Variants in ZNF768 observed in about 807,000 individuals in gnomAD.
ZNF768 encodes zinc finger protein 768.
A neutral mutation model predicts 39.7 loss-of-function variants in ZNF768; 12 were observed. The ratio of observed to expected loss-of-function variants is 0.30; its 90% CI spans 0.19 to 0.49. ZNF768 has a LOEUF of 0.49. ZNF768 is among the 20% of genes least tolerant of loss of function. The pLI, the probability that ZNF768 is intolerant of heterozygous loss-of-function variation, is 0.99. For synonymous variants in ZNF768, 360 were observed against 288.4 expected (o/e 1.25, Z -2.52); for missense variants, 613 against 723.2 (o/e 0.85, Z 1.75).
upstream of ZNF768, chr16:30,531,054 T>G (rs372557500): frequency 6.6e-6 from 1 of 152,266 alleles, no homozygotes; most frequent in East Asian, 1.9e-4. Flanking sequence ...TGGCACATAC[T>G]TAAAGACAGC....
In ZNF768 at chr16:30,525,623, C is replaced by T. The variant is rs2051315216; in HGVS notation, c.517G>A (p.Gly173Ser). Residue 173 changes from glycine (G) to serine (S), a missense_variant, in exon 2 of 2, where the codon GGT becomes AGT. Gly to Ser is a moderately conservative substitution (Grantham distance 56). Coordinates refer to ENST00000380412, the MANE Select transcript of ZNF768 (RefSeq NM_024671.4). Reference sequence around the variant, plus strand: ...TCGGGGTTCAGAAGCATCTCCGCACCTTCCTGGAATTTGGAACTTTGAGCT... The same window carrying T: ...TCGGGGTTCAGAAGCATCTCCGCACTTTCCTGGAATTTGGAACTTTGAGCT... The part of the protein sequence containing the change: ...FEAQSSKFQE[G>S]AEMLLNPEEK... 1 of 1,614,136 alleles carries T rather than the reference C, an allele frequency of 6.2e-7. No homozygotes were observed. The highest frequency in any genetic ancestry group is 1.7e-5 in the Admixed American group (1 of 60,012).
Position 30,525,077 on chromosome 16 carries a change from C to T in ZNF768, c.1063G>A (p.Gly355Ser). ...YKCPHCGKAF[G>S]DSSYLLRHQR... ...TGTCGCAGGAGGTAGGAGCTGTCGCCGAAGGCCTTGCCACAATGTGGGCAC... is the reference window on the plus strand; with the variant it reads ...TGTCGCAGGAGGTAGGAGCTGTCGCTGAAGGCCTTGCCACAATGTGGGCAC... Residue 355 changes from glycine (G) to serine (S), a missense_variant, in exon 2 of 2, where the codon GGC (glycine) becomes AGC (serine). By Grantham distance (56) the Gly-to-Ser change is moderately conservative (BLOSUM62 0). Around this residue, in one of 4 missense-constraint regions of ZNF768, gnomAD observed 204 missense variants for 281.7 expected, o/e 0.72. Coordinates refer to ENST00000380412, the MANE Select transcript of ZNF768 (RefSeq NM_024671.4). The T allele has an allele frequency of 2.5e-6, 4 of 1,613,532 alleles. No homozygotes were observed. Among genetic ancestry groups the T allele is most frequent in the African/African-American group, 1.3e-5 (1 of 74,846 alleles).
In ZNF768 at chr16:30,524,708, A is replaced by C. The variant is rs749822007; in HGVS notation, c.1432T>G (p.Ser478Ala). ...RSSTLIQHQR[S>A]HTGERPYRCA... is the part of the protein sequence containing the mutation. ...CTGTAGGGCCGCTCGCCCGTGTGGG[A>C]GCGCTGGTGCTGGATGAGAGTGGAG... Residue 478 changes from serine (S) to alanine (A), a missense_variant, in exon 2 of 2, where the codon TCC (serine) becomes GCC (alanine). Coordinates refer to ENST00000380412, the MANE Select transcript of ZNF768 (RefSeq NM_024671.4). 2 of 1,593,068 alleles carry C rather than the reference A, an allele frequency of 1.3e-6. No individual in the cohort carries two copies. The highest frequency in any genetic ancestry group is 1.8e-5 in the Admixed American group (1 of 56,762).
chr16:30,524,300 T>C lies in ZNF768; in HGVS notation c.*217A>G. The C allele has an allele frequency of 1.7e-6, 1 of 576,666 alleles. No individual in the cohort carries two copies. Among genetic ancestry groups the C allele is most frequent in the African/African-American group, 2.0e-5 (1 of 48,868 alleles). The allele number at this position is 576,666 out of a possible 1,614,324, so 35.7% of individuals were successfully genotyped here. On this transcript the variant is annotated 3_prime_UTR_variant, in exon 2 of 2. Coordinates refer to ENST00000380412, the MANE Select transcript of ZNF768 (RefSeq NM_024671.4). Reference sequence around the variant, plus strand: ...CCAGCCCTCCGCTGACCTCTCTCCATTTCTCCCAGGGCCTCCCGCTGCCGG... The same window carrying C: ...CCAGCCCTCCGCTGACCTCTCTCCACTTCTCCCAGGGCCTCCCGCTGCCGG...
chr16:30,526,909 G>A, upstream of ZNF768: 1 of 985,278 alleles, frequency 1.0e-6, no homozygotes, highest in South Asian at 4.7e-5. Context: ...CATTAACCCT[G>A]GGCTGGAGGG....
rs748699123 is a variant in ZNF768, at chr16:30,525,680, T to G, written c.460A>C (p.Thr154Pro). 1.2e-6 allele frequency: 2 copies of G among 1,614,162 alleles called. No individual in the cohort carries two copies. Among genetic ancestry groups the G allele is most frequent in the East Asian group, 4.5e-5 (2 of 44,888 alleles). Reference sequence around the variant, plus strand: ...TCTGGGCTTTGGGTTTTGAGCTCAGTGTTCTGGGATTCATATCTAGAGCTC... The same window carrying G: ...TCTGGGCTTTGGGTTTTGAGCTCAGGGTTCTGGGATTCATATCTAGAGCTC... ...SESSRYESQN[T>P]ELKTQSPEFE... Residue 154 changes from threonine to proline, a missense_variant, in exon 2 of 2, where the codon ACT (threonine) becomes CCT (proline). By Grantham distance (38) the Thr-to-Pro change is conservative. Transcript: ENST00000380412.
upstream of ZNF768, chr16:30,527,061 G>C (rs1742766410): frequency 3.0e-6 from 3 of 985,298 alleles, no homozygotes; most frequent in South Asian, 1.4e-4. Flanking sequence ...CGGTGCGTGT[G>C]GCCAAGGGCG....
rs750522550 is a variant in ZNF768, at chr16:30,525,881, C to CA, written c.258dup (p.Glu87Ter). 1.3e-6 allele frequency: 2 copies of CA among 1,519,608 alleles called. No individual in the cohort carries two copies. Among genetic ancestry groups the CA allele is most frequent in the African/African-American group, 2.8e-5 (2 of 71,638 alleles). The allele number at this position is 1,519,608 out of a possible 1,614,324, so 94.1% of individuals were successfully genotyped here. A position where few individuals can be genotyped will look rare whatever the true frequency, so the allele number is the denominator to read the frequency against. ...GGCACAAGCCCAGGGCTTCGGGACT[C>CA]AAACCCCGGGCTTTCAGGCTCAAAT... On this transcript the variant is annotated frameshift_variant, in exon 2 of 2. Transcript: ENST00000380412. LOFTEE classifies it high-confidence loss of function.
At position 30,526,087 on chromosome 16, in the gene ZNF768, G is replaced by A. The variant is rs754261827; in HGVS notation, c.89-36C>T. ...AGAGAATCCAGATCGTGTGAGACCT[G>A]GAAGGTCATTTGGTCCATTAGCAAC... On this transcript the variant is annotated intron_variant, in intron 1 of 1. Coordinates refer to ENST00000380412, the MANE Select transcript of ZNF768 (RefSeq NM_024671.4). The A allele has an allele frequency of 3.3e-6, 5 of 1,493,404 alleles. No individual in the cohort carries two copies. In the Admixed American group the frequency reaches 1.0e-4, roughly 30 times the overall value. 92.5% of individuals were successfully genotyped at this position (1,493,404 alleles called of 1,614,324 possible).
chr16:30,524,353 C>T lies in ZNF768; in HGVS notation c.*164G>A. Reference sequence around the variant, plus strand: ...TGGCCTCCCTCCAACCCACTTCCCACAAGTCTCCAGGGCATGTCACTTCCT... The same window carrying T: ...TGGCCTCCCTCCAACCCACTTCCCATAAGTCTCCAGGGCATGTCACTTCCT... On this transcript the variant is annotated 3_prime_UTR_variant, in exon 2 of 2. Transcript: ENST00000380412. 8.2e-7 allele frequency: 1 copy of T among 1,223,132 alleles called. No homozygotes were observed. The highest frequency in any genetic ancestry group is 1.1e-6 in the Non-Finnish European group (1 of 908,786). The allele number at this position is 1,223,132 out of a possible 1,614,324, so 75.8% of individuals were successfully genotyped here. A position where few individuals can be genotyped will look rare whatever the true frequency, so the allele number is the denominator to read the frequency against.
upstream of ZNF768, chr16:30,527,310 C>G: frequency 2.0e-6 from 2 of 985,676 alleles, no homozygotes; most frequent in Non-Finnish European, 2.4e-6. Context: ...CCCAGCTCGG[C>G]TCCCCTGATC....
In ZNF768 at chr16:30,524,246, A is replaced by C; in HGVS notation, c.*271T>G. ...TCCCTGCTCTAGCAGTTGCCAAGCC[A>C]GGCACCCACCAAGGAGCCGCGGCTG... On this transcript the variant is annotated 3_prime_UTR_variant, in exon 2 of 2. Transcript: ENST00000380412. The C allele has an allele frequency of 2.0e-5, 5 of 246,992 alleles. No homozygotes were observed. The highest frequency in any genetic ancestry group is 1.2e-4 in the South Asian group (2 of 17,044). 15.3% of individuals were successfully genotyped at this position (246,992 alleles called of 1,614,324 possible).
upstream of ZNF768, chr16:30,531,463 T>G (rs1391803389): frequency 2.0e-5 from 3 of 152,186 alleles, no homozygotes; most frequent in Non-Finnish European, 2.9e-5. Flanking sequence ...CGAGATCCAA[T>G]ACAGGGTCAC....
Position 30,526,516 on chromosome 16 carries a change from G to A in ZNF768, c.-103C>T, listed in dbSNP as rs1256947217. On this transcript the variant is annotated 5_prime_UTR_variant, in exon 1 of 2. Coordinates refer to ENST00000380412, the MANE Select transcript of ZNF768 (RefSeq NM_024671.4). Reference sequence around the variant, plus strand: ...GGCCCCCGCCTCCCGCCCGCTCAGCGCCGCCCAGGGGACTCGGCGGCCCAG... The same window carrying A: ...GGCCCCCGCCTCCCGCCCGCTCAGCACCGCCCAGGGGACTCGGCGGCCCAG... 1.2e-5 allele frequency: 14 copies of A among 1,175,552 alleles called. No homozygotes were observed. The East Asian group carries it at 3.1e-4, about 26-fold the overall frequency. 72.8% of individuals were successfully genotyped at this position (1,175,552 alleles called of 1,614,324 possible).
At chr16:30,527,250 C>T, upstream of ZNF768, 8 of 985,820 alleles carry the variant, frequency 8.1e-6, no homozygotes, top group Non-Finnish European at 9.6e-6. Flanking sequence ...CCTCCAGGAA[C>T]TCCGCTCCCC....
At chr16:30,527,389 A>T (rs904520593), upstream of ZNF768, 5 of 914,004 alleles carry the variant, frequency 5.5e-6, no homozygotes, top group African/African-American at 9.0e-5. Flanking sequence ...CCCGGCTCCC[A>T]GAGGCACAGC....
Position 30,525,781 on chromosome 16 carries a change from C to T in ZNF768, c.359G>A (p.Arg120Lys). Residue 120 changes from arginine (R) to lysine (K), a missense_variant, in exon 2 of 2, where the codon AGG (arginine) becomes AAG (lysine). Physicochemically the swap from Arg to Lys is conservative, Grantham distance 26 (BLOSUM62 2). This residue lies in a region of ZNF768 where 347 missense variants were observed against 326.1 expected (regional missense o/e 1.06). Coordinates refer to ENST00000380412, the MANE Select transcript of ZNF768 (RefSeq NM_024671.4). ...QSPEFESQSP[R>K]YEPQSPGYEP... ...ATAGCCAGGGCTTTGGGGTTCATAC[C>T]TAGGGCTCTGGGATTCAAACTCAGG... 6.4e-7 allele frequency: 1 copy of T among 1,573,598 alleles called. No homozygotes were observed. The highest frequency in any genetic ancestry group is 8.6e-7 in the Non-Finnish European group (1 of 1,163,828).
At chr16:30,527,899 C>T (rs976682721), upstream of ZNF768, 3 of 152,264 alleles carry the variant, frequency 2.0e-5, no homozygotes, top group Non-Finnish European at 4.4e-5. Context: ...CATCTAACAA[C>T]TCTCCAGTCT....
intron 1 of ZNF768, 29 bp from the exon 2 acceptor site, chr16:30,526,080 G>T: frequency 6.7e-7 from 1 of 1,494,060 alleles, no homozygotes; most frequent in South Asian, 1.4e-5. Context: ...CAGATCGTGT[G>T]AGACCTGGAA....
Sources: gnomAD v4.1 joint callset for allele counts on GRCh38, gnomAD v4.1.1 for gene constraint, gnomAD v4.1.1 regional missense constraint, MANE v1.5 for transcripts, NCBI Gene and HGNC (gene_info 2026-07-23, HGNC 2026-07-21) for gene names.